Variants in LRRC4C observed in about 807,000 individuals in gnomAD.
LRRC4C encodes leucine rich repeat containing 4C, also known as leucine-rich repeat-containing protein 4C.
In LRRC4C, 5 loss-of-function variants were observed where a neutral mutation model predicts 33.6. That is an observed-to-expected ratio of 0.15 (90% CI 0.08 to 0.31). The LOEUF (loss-of-function observed/expected upper bound fraction) is 0.31, where lower values mean the gene tolerates loss of function less well. Among genes scored for constraint, LRRC4C ranks in the 10% least tolerant of loss-of-function variants. LRRC4C has a pLI of 1.00. For missense variants in LRRC4C, 560 were observed against 796.7 expected, an observed-to-expected ratio of 0.70 and a Z score of 3.58; for synonymous variants, 329 against 302.0, an observed-to-expected ratio of 1.09 and a Z score of -0.93.
chr11:41,079,035 T>C (rs1204801085), intron 1 of LRRC4C, among the ~76,000 whole-genome samples: 1 of 152,210 alleles, frequency 6.6e-6, no homozygotes, highest in Admixed American at 6.5e-5. Flanking sequence ...AGGGCTAATT[T>C]GTCTCTTATT....
intron 2 of LRRC4C, among the ~76,000 whole-genome samples, chr11:40,803,577 G>T (rs903840982): frequency 3.3e-5 from 5 of 151,558 alleles, no homozygotes; most frequent in Non-Finnish European, 7.4e-5. Flanking sequence ...TGTCTATATG[G>T]TCATTTTTTT....
At chr11:41,088,616 CT>C (rs1382384624) in intron 1 of LRRC4C, among the ~76,000 whole-genome samples, 1 of 152,058 alleles carries the variant, frequency 6.6e-6, no homozygotes, top group Non-Finnish European at 1.5e-5. Context: ...CCATACTCTA[CT>C]CTCAAAGTGA....
chr11:41,454,105 A>T (rs1476807032), intron 1 of LRRC4C, among the ~76,000 whole-genome samples: 1 of 152,108 alleles, frequency 6.6e-6, no homozygotes, highest in African/African-American at 2.4e-5. Flanking sequence ...TGTTCTCTCC[A>T]TGCACAGGGA....
rs189982984 is a variant in LRRC4C, at chr11:40,126,686, C to T, written c.-42-10352G>A. Among the ~76,000 whole-genome samples the T allele has an allele frequency of 3.5e-4, 53 of 152,106 alleles. 1 individual carries two copies. In the East Asian group the frequency reaches 8.9e-3, roughly 26 times the overall value. On this transcript the variant is annotated intron_variant, in intron 6 of 6. Coordinates refer to ENST00000528697, the MANE Select transcript of LRRC4C (RefSeq NM_001258419.2). The stretch of plus-strand genomic sequence containing the variant: ...TTTAAGAAGAGAATTTGGGGACGGG[C>T]GTGGTGGCTCACATCTGTAATCCCA...
intron 3 of LRRC4C, among the ~76,000 whole-genome samples, chr11:40,493,816 C>T (rs897195757): frequency 1.3e-5 from 2 of 152,060 alleles, no homozygotes; most frequent in Non-Finnish European, 2.9e-5. Context: ...GTTAGAAAGA[C>T]CAAATCATTC....
chr11:41,075,811 G>T (rs564880977), intron 1 of LRRC4C, among the ~76,000 whole-genome samples: 1 of 152,088 alleles, frequency 6.6e-6, no homozygotes, highest in Non-Finnish European at 1.5e-5. Flanking sequence ...CACCAACTGC[G>T]CTGTTGTCAA....
intron 1 of LRRC4C, among the ~76,000 whole-genome samples, chr11:41,207,814 G>C (rs1477180994): frequency 6.6e-6 from 1 of 152,152 alleles, no homozygotes; most frequent in Non-Finnish European, 1.5e-5. Flanking sequence ...GTAGTATTTT[G>C]TTTTGGCAGC....
chr11:40,713,121 C>T (rs1018317537), intron 2 of LRRC4C, among the ~76,000 whole-genome samples: 7 of 151,036 alleles, frequency 4.6e-5, no homozygotes, highest in Non-Finnish European at 7.4e-5. Context: ...CTTGAACTCA[C>T]GAGCTCAGGT....
intron 1 of LRRC4C, among the ~76,000 whole-genome samples, chr11:41,317,863 C>T (rs1213402679): frequency 6.6e-6 from 1 of 151,950 alleles, no homozygotes; most frequent in Non-Finnish European, 1.5e-5. Context: ...AATGGTAAGT[C>T]AATTTCCAGG....
intron 1 of LRRC4C, among the ~76,000 whole-genome samples, chr11:41,306,032 A>AG (rs1565567026): frequency 9.0e-6 from 1 of 110,966 alleles, no homozygotes; most frequent in African/African-American, 2.9e-5. Flanking sequence ...AAAAAAAAAA[A>AG]AAAAAAAAGA....
chr11:41,167,265 G>A (rs1378733837), intron 1 of LRRC4C, among the ~76,000 whole-genome samples: 3 of 152,102 alleles, frequency 2.0e-5, no homozygotes. Context: ...CACTTTCCCA[G>A]CACTACAACC....
At chr11:41,331,629 C>T (rs1196566969) in intron 1 of LRRC4C, among the ~76,000 whole-genome samples, 2 of 152,144 alleles carry the variant, frequency 1.3e-5, no homozygotes, top group Non-Finnish European at 2.9e-5. Context: ...TAGGTGTTTC[C>T]TCTGCCTGAC....
chr11:40,715,719 C>T (rs748718802), intron 2 of LRRC4C, among the ~76,000 whole-genome samples: 8 of 152,056 alleles, frequency 5.3e-5, no homozygotes, highest in South Asian at 2.1e-4. Context: ...AAACTTCTAT[C>T]GAATTAAAAA....
intron 1 of LRRC4C, among the ~76,000 whole-genome samples, chr11:41,321,441 C>T (rs868234510): frequency 2.6e-5 from 4 of 152,008 alleles, no homozygotes; most frequent in African/African-American, 7.2e-5. Context: ...GACTACTGTC[C>T]GATAGACTTA....
At position 40,335,188 on chromosome 11, in the gene LRRC4C, C is replaced by G. The variant is rs11822737; in HGVS notation, c.-269-15467G>C. 4.7e-3 allele frequency among the ~76,000 whole-genome samples: 712 copies of G among 152,184 alleles called. 7 individuals carry two copies. The highest frequency in any genetic ancestry group is 0.016 in the African/African-American group (655 of 41,518). ...TTTTTTAGGTGCAGAAACCATGACC[C>G]TGTACACAAAAGTCAGAATGCAACC... is the stretch of plus-strand genomic sequence containing the variant. On this transcript the variant is annotated intron_variant, in intron 3 of 6. Coordinates refer to ENST00000528697, the MANE Select transcript of LRRC4C (RefSeq NM_001258419.2).
At chr11:40,791,959 T>C (rs1460301826) in intron 2 of LRRC4C, among the ~76,000 whole-genome samples, 1 of 152,116 alleles carries the variant, frequency 6.6e-6, no homozygotes, top group Non-Finnish European at 1.5e-5. Context: ...CTTTAGTGGC[T>C]ACGTAGTCTT....
chr11:41,175,374 G>A (rs1240378255), intron 1 of LRRC4C, among the ~76,000 whole-genome samples: 1 of 152,120 alleles, frequency 6.6e-6, no homozygotes, highest in Non-Finnish European at 1.5e-5. Context: ...AAATGTGAAT[G>A]GCTTAAACAA....
At chr11:41,439,177 A>G (rs1955534375) in intron 1 of LRRC4C, among the ~76,000 whole-genome samples, 1 of 152,126 alleles carries the variant, frequency 6.6e-6, no homozygotes, top group South Asian at 2.1e-4. Context: ...ATGGTCTCCA[A>G]CTGCATCCAT....
intron 3 of LRRC4C, among the ~76,000 whole-genome samples, chr11:40,539,897 C>A (rs1956632862): frequency 6.6e-6 from 1 of 152,000 alleles, no homozygotes; most frequent in Middle Eastern, 3.2e-3. Context: ...AAAGAGATAG[C>A]AAATGTGTAA....
Sources: gnomAD v4.1 joint callset for allele counts (sites outside exome capture counted in the v4.1 genomes callset) on GRCh38, gnomAD v4.1.1 for gene constraint, MANE v1.5 for transcripts, NCBI Gene and HGNC (gene_info 2026-07-23, HGNC 2026-07-21) for gene names.